Variants in CHD5 observed in about 807,000 individuals in gnomAD.
CHD5 encodes the protein ATP-dependent chromatin remodeler CHD5.
In CHD5, 69 loss-of-function variants were observed where a neutral mutation model predicts 230.3. That is an observed-to-expected ratio of 0.30 (90% confidence interval 0.25 to 0.37). The LOEUF (loss-of-function observed/expected upper bound fraction) is 0.37, where lower values mean the gene tolerates loss of function less well. Among genes scored for constraint, CHD5 ranks in the 10% least tolerant of loss-of-function variants. CHD5 has a pLI of 1.00. For missense variants in CHD5, 1,827 were observed against 2,622.8 expected, an observed-to-expected ratio of 0.70 and a Z score of 6.63; for synonymous variants, 1,064 against 1,065.9, an observed-to-expected ratio of 1.00 and a Z score of 0.03.
chr1:6,121,164 C>T lies in CHD5; in HGVS notation c.4853G>A (p.Arg1618Gln), dbSNP rs754347862. 13 of 1,613,934 alleles carry T rather than the reference C, an allele frequency of 8.1e-6. No individual in the cohort carries two copies. Among genetic ancestry groups the T allele is most frequent in the South Asian group, 3.3e-5 (3 of 91,076 alleles). Residue 1618 changes from arginine to glutamine, a missense_variant, in exon 33 of 42, where the codon CGA becomes CAA. Physicochemically the swap from Arg to Gln is conservative, Grantham distance 43. Transcript: ENST00000262450. The surrounding 1 kb of genome is among the most constrained non-coding windows in gnomAD (Gnocchi z 4.5). ...CTCCGTCTCCTCTGGCCGCTCCTCTCGGGCTCTCTCCTTGCTGGCTGGGCT... is the reference window on the plus strand; with the variant it reads ...CTCCGTCTCCTCTGGCCGCTCCTCTTGGGCTCTCTCCTTGCTGGCTGGGCT... Reference protein sequence around the residue: ...HESPASKERAREERPEETEKA... With the variant: ...HESPASKERAQEERPEETEKA...
rs200160230 is a variant in CHD5 at position 6,146,631 on chromosome 1, G to A, written c.1590+34C>T. On this transcript the variant is annotated intron_variant, in intron 10 of 41. Coordinates refer to ENST00000262450, the MANE Select transcript of CHD5 (RefSeq NM_015557.3). This position sits in a 1 kb window ranked among gnomAD's most constrained non-coding sequence, Gnocchi z 5.1. ...GAGGGTCCAGGGCTCACCAGGTCCC[G>A]GGCCTTAGCACAGCCACCCTCCCGG... 1.4e-5 allele frequency: 23 copies of A among 1,605,886 alleles called. No homozygotes were observed. Among genetic ancestry groups the A allele is most frequent in the African/African-American group, 5.4e-5 (4 of 74,702 alleles).
At position 6,124,674 on chromosome 1, in the gene CHD5, G is replaced by GA; in HGVS notation, c.4395-14_4395-13insT. On this transcript the variant is annotated splice_polypyrimidine_tract_variant and intron_variant, in intron 29 of 41. Transcript: ENST00000262450. Reference sequence around the variant, plus strand: ...GGACACATAGGCTCTGGGGTGGGGGGGGGGGACTGGGGCTCAGGGAGTGGG... The same window carrying GA: ...GGACACATAGGCTCTGGGGTGGGGGGAGGGGGACTGGGGCTCAGGGAGTGGG... The GA allele has an allele frequency of 1.1e-6, 1 of 927,678 alleles. No individual in the cohort carries two copies. The highest frequency in any genetic ancestry group is 1.5e-5 in the South Asian group (1 of 67,728). The allele number at this position is 927,678 out of a possible 1,614,324, so 57.5% of individuals were successfully genotyped here.
At chr1:6,106,361 G>A (rs753183325) in intron 40 of CHD5, 34 bp downstream of exon 40, 27 of 1,610,854 alleles carry the variant, frequency 1.7e-5, no homozygotes, top group South Asian at 2.2e-5. Flanking sequence ...GCGGGCACCC[G>A]TGTGCATGCT....
chr1:6,175,349 G>A (rs1263818331), intron 1 of CHD5, among the ~76,000 whole-genome samples: 2 of 145,860 alleles, frequency 1.4e-5, no homozygotes, highest in African/African-American at 2.6e-5. Context: ...GAATGGATGA[G>A]TGGATGGTGG....
intron 1 of CHD5, among the ~76,000 whole-genome samples, chr1:6,175,875 T>C (rs536997118): frequency 3.3e-5 from 5 of 151,728 alleles, no homozygotes; most frequent in South Asian, 2.1e-4. Context: ...GAATAGTGCA[T>C]GGATGAATAG....
In CHD5 at chr1:6,180,179, AC is replaced by A. The variant is rs1474159708; in HGVS notation, c.-157del. ...TGCCCCCCCACCCCCCCAAACCTCC[AC>A]CCCCCCGTCTCGACCCCCCTTTCTC... On this transcript the variant is annotated 5_prime_UTR_variant, in exon 1 of 42. Coordinates refer to ENST00000262450, the MANE Select transcript of CHD5 (RefSeq NM_015557.3). 8 of 27,792 alleles carry A rather than the reference AC, an allele frequency of 2.9e-4. No individual in the cohort carries two copies. Among genetic ancestry groups the A allele is most frequent in the East Asian group, 6.8e-4 (1 of 1,480 alleles). The allele number at this position is 27,792 out of a possible 1,614,324, so 1.7% of individuals were successfully genotyped here. A position where few individuals can be genotyped will look rare whatever the true frequency, so the allele number is the denominator to read the frequency against.
intron 33 of CHD5, among the ~76,000 whole-genome samples, chr1:6,117,820 C>G (rs1252709674): frequency 6.6e-6 from 1 of 152,106 alleles, no homozygotes; most frequent in African/African-American, 2.4e-5. Flanking sequence ...GAAACTGGAA[C>G]CCTCACACAT....
At chr1:6,113,073 C>T in intron 33 of CHD5, 75 bp from the exon 34 acceptor site, 1 of 994,056 alleles carries the variant, frequency 1.0e-6, no homozygotes, top group Admixed American at 1.8e-5. Context: ...CGTGGCTTTC[C>T]ACCCATGGAA....
chr1:6,151,595 G>C (rs562676879), intron 6 of CHD5, among the ~76,000 whole-genome samples: 24 of 152,340 alleles, frequency 1.6e-4, no homozygotes, highest in African/African-American at 5.5e-4. Context: ...AAACATGCCT[G>C]CCAGGTGACG....
At chr1:6,160,146 AGGGCCCCAGCAAGG>A (rs1264980264) in intron 2 of CHD5, among the ~76,000 whole-genome samples, 4 of 124,344 alleles carry the variant, frequency 3.2e-5, no homozygotes, top group East Asian at 2.7e-4. Flanking sequence ...CAGCCAGGGA[AGGGCCCCAGCAAGG>A]GAAGAGCCCC....
At position 6,146,376 on chromosome 1, in the gene CHD5, G is replaced by T. The variant is rs1041067908; in HGVS notation, c.1638C>A (p.Asn546Lys). ...CAAAGGGGGGCGGCTCATCCATGTC[G>T]TTCTTTCTTTGGTAGTTGCGATACA... Reference protein sequence around the residue: ...TVMYRNYQRKNDMDEPPPFDY... With the variant: ...TVMYRNYQRKKDMDEPPPFDY... Residue 546 changes from asparagine (N) to lysine (K), a missense_variant, in exon 11 of 42, where the codon AAC becomes AAA. Asn to Lys is a moderately conservative substitution (Grantham distance 94). Around this residue, in one of 14 missense-constraint regions of CHD5, gnomAD observed 657 missense variants for 816.4 expected, o/e 0.80. Coordinates refer to ENST00000262450, the MANE Select transcript of CHD5 (RefSeq NM_015557.3). This position sits in a 1 kb window ranked among gnomAD's most constrained non-coding sequence, Gnocchi z 5.1. 8 of 1,614,126 alleles carry T rather than the reference G, an allele frequency of 5.0e-6. No individual in the cohort carries two copies. The highest frequency in any genetic ancestry group is 6.8e-6 in the Non-Finnish European group (8 of 1,180,016).
chr1:6,108,411 G>T (rs1666231324), intron 38 of CHD5, among the ~76,000 whole-genome samples: 2 of 147,578 alleles, frequency 1.4e-5, no homozygotes, highest in South Asian at 4.4e-4. Context: ...CGGGTAGAGA[G>T]ATGGAGAGAT....
chr1:6,110,355 T>C, intron 37 of CHD5, 39 bp downstream of exon 37: 1 of 1,576,556 alleles, frequency 6.3e-7, no homozygotes, highest in Non-Finnish European at 8.6e-7. Flanking sequence ...ACACCGTCCC[T>C]CCCTGCCCCG....
rs754100089 is a variant in CHD5, at chr1:6,154,763, AGCCACCGCC to A, written c.633_641del (p.Val213_Ala215del). The A allele has an allele frequency of 6.2e-7, 1 of 1,612,384 alleles. No individual in the cohort carries two copies. The highest frequency in any genetic ancestry group is 8.5e-7 in the Non-Finnish European group (1 of 1,179,670). On this transcript the variant is annotated inframe_deletion, in exon 5 of 42. Transcript: ENST00000262450. This position sits in a 1 kb window ranked among gnomAD's most constrained non-coding sequence, Gnocchi z 7.0. ...AGATGGTGACCGTCTCTACAGCCGC[AGCCACCGCC>A]GCCGCCGCTGCTGCCGCGGAGCTGC...
rs755216936 is a variant in CHD5 at position 6,134,889 on chromosome 1, G to A, written c.2871-30C>T. On this transcript the variant is annotated intron_variant, in intron 18 of 41. Transcript: ENST00000262450. This position sits in a 1 kb window ranked among gnomAD's most constrained non-coding sequence, Gnocchi z 6.3. Reference sequence around the variant, plus strand: ...AGCAGGGCACGAGGAAAGGCAGGCTGGGTCAGACCCGCCTCCATGAGGGCT... The same window carrying A: ...AGCAGGGCACGAGGAAAGGCAGGCTAGGTCAGACCCGCCTCCATGAGGGCT... The A allele has an allele frequency of 1.9e-6, 3 of 1,613,582 alleles. No homozygotes were observed. Among genetic ancestry groups the A allele is most frequent in the South Asian group, 2.2e-5 (2 of 91,026 alleles).
In CHD5 at chr1:6,134,596, A is replaced by T; in HGVS notation, c.3012+122T>A. ...GCCAGGGAAACCTACCATGACAGCCACAGAAATCGCCACAATGGCCAGGAG... is the reference window on the plus strand; with the variant it reads ...GCCAGGGAAACCTACCATGACAGCCTCAGAAATCGCCACAATGGCCAGGAG... On this transcript the variant is annotated intron_variant, in intron 19 of 41. Coordinates refer to ENST00000262450, the MANE Select transcript of CHD5 (RefSeq NM_015557.3). This position sits in a 1 kb window ranked among gnomAD's most constrained non-coding sequence, Gnocchi z 6.3. 1 of 1,098,704 alleles carries T rather than the reference A, an allele frequency of 9.1e-7. No individual in the cohort carries two copies. Among genetic ancestry groups the T allele is most frequent in the Non-Finnish European group, 1.4e-6 (1 of 732,772 alleles). The allele number at this position is 1,098,704 out of a possible 1,614,324, so 68.1% of individuals were successfully genotyped here.
In CHD5 at chr1:6,126,005, T is replaced by C; in HGVS notation, c.4079-147A>G. 1.5e-6 allele frequency: 1 copy of C among 654,730 alleles called. No individual in the cohort carries two copies. The highest frequency in any genetic ancestry group is 2.7e-6 in the Non-Finnish European group (1 of 366,892). The allele number at this position is 654,730 out of a possible 1,614,324, so 40.6% of individuals were successfully genotyped here. On this transcript the variant is annotated intron_variant, in intron 26 of 41. Coordinates refer to ENST00000262450, the MANE Select transcript of CHD5 (RefSeq NM_015557.3). The surrounding 1 kb of genome is among the most constrained non-coding windows in gnomAD (Gnocchi z 5.7). ...AATGGCCCACATACTTCCTGTGGGC[T>C]CATTTAGTAATCCCAACACCACCAC...
At position 6,144,162 on chromosome 1, in the gene CHD5, C is replaced by G. The variant is rs17489787; in HGVS notation, c.1803-7G>C. On this transcript the variant is annotated splice_region_variant and splice_polypyrimidine_tract_variant and intron_variant, in intron 11 of 41. Transcript: ENST00000262450. ...ATCCCCCTTCTTGTCAAAGCTGCAA[C>G]ACGGTGAACAGATGTGGGTCGCTCA... The G allele has an allele frequency of 0.12, 188,775 of 1,614,006 alleles. 12,495 individuals are homozygous for G. The highest frequency in any genetic ancestry group is 0.22 in the South Asian group (19,970 of 91,074).
rs1402734922 is a variant in CHD5 at position 6,128,718 on chromosome 1, TG to T, written c.3620-110del. On this transcript the variant is annotated intron_variant, in intron 23 of 41. Coordinates refer to ENST00000262450, the MANE Select transcript of CHD5 (RefSeq NM_015557.3). This position sits in a 1 kb window ranked among gnomAD's most constrained non-coding sequence, Gnocchi z 7.8. ...GGCTGTCCTAGCCAGGAGATACAGG[TG>T]GGGGGTGCAGAAGAGAGGCTGTGTG... 3.2e-6 allele frequency: 4 copies of T among 1,265,072 alleles called. No homozygotes were observed. The highest frequency in any genetic ancestry group is 3.4e-6 in the Non-Finnish European group (3 of 883,026). The allele number at this position is 1,265,072 out of a possible 1,614,324, so 78.4% of individuals were successfully genotyped here. A position where few individuals can be genotyped will look rare whatever the true frequency, so the allele number is the denominator to read the frequency against.
Sources: gnomAD v4.1 joint callset for allele counts (sites outside exome capture counted in the v4.1 genomes callset) on GRCh38, gnomAD v4.1.1 for gene constraint, gnomAD v4.1.1 regional missense constraint, Gnocchi (gnomAD v3.1) non-coding constraint, MANE v1.5 for transcripts, NCBI Gene and HGNC (gene_info 2026-07-23, HGNC 2026-07-21) for gene names.